Variants in MRC1 observed in about 807,000 individuals in gnomAD.
MRC1 encodes macrophage mannose receptor 1.
A neutral mutation model predicts 102.9 loss-of-function variants in MRC1; 62 were observed. The ratio of observed to expected loss-of-function variants is 0.60; its 90% confidence interval spans 0.49 to 0.74. The LOEUF is 0.74. Among genes scored for constraint, MRC1 ranks in the 30% least tolerant of loss-of-function variants. The pLI is 0.00. For synonymous variants in MRC1, 457 were observed against 298.4 expected (o/e 1.53, Z -5.48); for missense variants, 1,237 against 862.8 (o/e 1.43, Z -5.43).
At chr10:17,889,150 T>A (rs1394642370) in intron 22 of MRC1, among the ~76,000 whole-genome samples, 1 of 152,350 alleles carries the variant, frequency 6.6e-6, no homozygotes, top group African/African-American at 2.4e-5. Context: ...TTTTAACTTA[T>A]GTGTATCTTT....
At chr10:17,838,141 T>C (rs1436697952) in intron 4 of MRC1, among the ~76,000 whole-genome samples, 1 of 152,164 alleles carries the variant, frequency 6.6e-6, no homozygotes, top group Non-Finnish European at 1.5e-5. Flanking sequence ...AATTCAGCCC[T>C]GTCTTCCATT....
At chr10:17,898,353 T>A in intron 24 of MRC1, 87 bp downstream of exon 24, 1 of 779,152 alleles carries the variant, frequency 1.3e-6, no homozygotes. Flanking sequence ...TGTTGAATAC[T>A]CATTATGTGT....
intron 26 of MRC1, among the ~76,000 whole-genome samples, chr10:17,906,543 G>A (rs1252675443): frequency 6.6e-6 from 1 of 151,750 alleles, no homozygotes; most frequent in Non-Finnish European, 1.5e-5. Flanking sequence ...CATGTCTATA[G>A]CATATGGCAC....
At chr10:17,852,822 C>T in intron 7 of MRC1, 145 bp from the exon 8 acceptor site, 1 of 749,296 alleles carries the variant, frequency 1.3e-6, no homozygotes, top group Admixed American at 1.8e-5. Context: ...CAGATGAGCA[C>T]TCATGAGGAC....
At chr10:17,878,164 C>T (rs1833462843) in intron 18 of MRC1, among the ~76,000 whole-genome samples, 197 bp downstream of exon 18, 1 of 152,158 alleles carries the variant, frequency 6.6e-6, no homozygotes, top group African/African-American at 2.4e-5. Context: ...AAACAAACAA[C>T]TCAAAATTGG....
At chr10:17,816,284 C>T (rs1405649109) in intron 1 of MRC1, among the ~76,000 whole-genome samples, 1 of 152,186 alleles carries the variant, frequency 6.6e-6, no homozygotes, top group Non-Finnish European at 1.5e-5. Context: ...AAGCTGTCCT[C>T]AGACAATTGC....
chr10:17,822,899 C>T (rs1359754192), intron 1 of MRC1, among the ~76,000 whole-genome samples, 175 bp from the exon 2 acceptor site: 1 of 152,138 alleles, frequency 6.6e-6, no homozygotes, highest in Non-Finnish European at 1.5e-5. Flanking sequence ...CTTCAGGGAT[C>T]CTCGAAGAGA....
At chr10:17,906,258 T>C (rs1362356867) in intron 26 of MRC1, among the ~76,000 whole-genome samples, 1 of 151,586 alleles carries the variant, frequency 6.6e-6, no homozygotes, top group Non-Finnish European at 1.5e-5. Flanking sequence ...TTGCTCTTAA[T>C]ACCAATCTCT....
intron 1 of MRC1, among the ~76,000 whole-genome samples, chr10:17,810,645 A>C (rs1397762127): frequency 2.6e-5 from 4 of 152,296 alleles, no homozygotes; most frequent in South Asian, 2.1e-4. Flanking sequence ...TGCCCCCATC[A>C]GTTCTTGTGA....
At chr10:17,881,539 A>T (rs1833517461) in intron 21 of MRC1, among the ~76,000 whole-genome samples, 1 of 152,168 alleles carries the variant, frequency 6.6e-6, no homozygotes, top group African/African-American at 2.4e-5. Flanking sequence ...CCAAAGAGTC[A>T]AAGAAGAGTA....
chr10:17,852,901 C>T lies in MRC1; in HGVS notation c.1250-66C>T, dbSNP rs1465333792. The stretch of plus-strand genomic sequence containing the variant: ...TTGATAAAGCAGAGTGCCTTCCGTT[C>T]CTTTTACCCCCCGACCTTTGGAAAG... On this transcript the variant is annotated intron_variant, in intron 7 of 29. Transcript: ENST00000569591. The T allele has an allele frequency of 7.7e-6, 6 of 780,108 alleles. No individual in the cohort carries two copies. The East Asian group carries it at 1.2e-4, about 16-fold the overall frequency. 48.3% of individuals were successfully genotyped at this position (780,108 alleles called of 1,614,324 possible).
chr10:17,877,844 G>T (rs1231977119), intron 17 of MRC1, 56 bp from the exon 18 acceptor site: 1 of 870,486 alleles, frequency 1.1e-6, no homozygotes, highest in Non-Finnish European at 2.0e-6. Flanking sequence ...TTTTGTTTAA[G>T]AACTTCCTGA....
At chr10:17,828,396 A>C (rs1838517128) in intron 3 of MRC1, among the ~76,000 whole-genome samples, 1 of 151,322 alleles carries the variant, frequency 6.6e-6, no homozygotes, top group Non-Finnish European at 1.5e-5. Flanking sequence ...ATTTTTACCA[A>C]CTATCAGTTA....
intron 6 of MRC1, among the ~76,000 whole-genome samples, chr10:17,849,327 A>G (rs979513428): frequency 1.3e-5 from 2 of 151,640 alleles, no homozygotes; most frequent in Non-Finnish European, 2.9e-5. Context: ...AAAGAAAGAA[A>G]GAAAGTTGAT....
chr10:17,858,650 G>A (rs991187497), intron 9 of MRC1, among the ~76,000 whole-genome samples: 1 of 152,154 alleles, frequency 6.6e-6, no homozygotes, highest in Non-Finnish European at 1.5e-5. Context: ...ACCATGCCTG[G>A]CTAATTTTTG....
At chr10:17,875,063 CAT>C in intron 16 of MRC1, 25 bp from the exon 17 acceptor site, 1 of 780,738 alleles carries the variant, frequency 1.3e-6, no homozygotes, top group Non-Finnish European at 2.4e-6. Context: ...GCATAAAACT[CAT>C]TGCCTTTTCT....
At position 17,900,059 on chromosome 10, in the gene MRC1, T is replaced by C. The variant is rs1015999836; in HGVS notation, c.3484-729T>C. Among the ~76,000 whole-genome samples, 250 of 148,734 alleles carry C rather than the reference T, an allele frequency of 1.7e-3. 2 individuals are homozygous for C. The highest frequency in any genetic ancestry group is 6.1e-3 in the African/African-American group (245 of 39,980). On this transcript the variant is annotated intron_variant, in intron 24 of 29. Transcript: ENST00000569591. ...GTTGCAGTGAGCCTAGATCGAGCCA[T>C]TGCACTCAAGCCTGGGGGACAAGAG...
At chr10:17,848,841 G>C (rs1838868261) in intron 6 of MRC1, among the ~76,000 whole-genome samples, 1 of 152,090 alleles carries the variant, frequency 6.6e-6, no homozygotes, top group Non-Finnish European at 1.5e-5. Flanking sequence ...TCTGTTCTGA[G>C]GCAACAAGTG....
rs948545195 is a variant in MRC1 at position 17,910,312 on chromosome 10, C to T, written c.4218C>T (p.Ala1406=). 5.6e-5 allele frequency: 44 copies of T among 780,628 alleles called. No homozygotes were observed. The highest frequency in any genetic ancestry group is 3.4e-4 in the East Asian group (14 of 41,258). 48.4% of individuals were successfully genotyped at this position (780,628 alleles called of 1,614,324 possible). A position where few individuals can be genotyped will look rare whatever the true frequency, so the allele number is the denominator to read the frequency against. ...TGATTTTAACGGGTGCTGGCCTTGCCGCCTATTTCTTTTATAAGAAAAGAC... is the reference window on the plus strand; with the variant it reads ...TGATTTTAACGGGTGCTGGCCTTGCTGCCTATTTCTTTTATAAGAAAAGAC... ...ILLILTGAGL[A]AYFFYKKRRV... Residue 1406 remains alanine (A), a synonymous_variant, in exon 30 of 30, where the codon GCC becomes GCT. Transcript: ENST00000569591.
Sources: gnomAD v4.1 joint callset for allele counts (sites outside exome capture counted in the v4.1 genomes callset) on GRCh38, gnomAD v4.1.1 for gene constraint, MANE v1.5 for transcripts, NCBI Gene and HGNC (gene_info 2026-07-23, HGNC 2026-07-21) for gene names.